The following TRPM3 variants were observed in gnomAD, a reference collection of about 807,000 sequenced individuals.
TRPM3 encodes long transient receptor potential channel 3.
A neutral mutation model predicts 181.2 loss-of-function variants in TRPM3; 77 were observed. The ratio of observed to expected loss-of-function variants is 0.42; its 90% CI spans 0.35 to 0.51. The LOEUF (loss-of-function observed/expected upper bound fraction) is 0.51. TRPM3 is among the 20% of genes least tolerant of loss of function. The pLI is 0.01. For synonymous variants in TRPM3, 745 were observed against 796.4 expected (o/e 0.94, Z 1.09); for missense variants, 1,759 against 2,196.7 (o/e 0.80, Z 3.98).
intron 1 of TRPM3, among the ~76,000 whole-genome samples, chr9:71,198,175 T>C (rs1298417476): frequency 1.3e-5 from 2 of 151,540 alleles, no homozygotes; most frequent in Non-Finnish European, 2.9e-5. Context: ...AAAGATCAGA[T>C]AGTTGTAGAT....
At chr9:71,393,400 A>C (rs1437650850) in intron 1 of TRPM3, among the ~76,000 whole-genome samples, 1 of 152,172 alleles carries the variant, frequency 6.6e-6, no homozygotes, top group East Asian at 1.9e-4. Flanking sequence ...TAAAATAGAC[A>C]AGACAGTGAT....
At chr9:71,282,062 A>AGAAAGAAAG (rs1231761861) in intron 1 of TRPM3, among the ~76,000 whole-genome samples, 2 of 104,604 alleles carry the variant, frequency 1.9e-5, no homozygotes, top group Non-Finnish European at 4.1e-5. Context: ...ACAGAAAGAG[A>AGAAAGAAAG]GAAAGAAAGG....
At chr9:70,888,362 G>GGTGTGT (rs71367235) in intron 1 of TRPM3, among the ~76,000 whole-genome samples, 10,608 of 143,608 alleles carry the variant, frequency 0.074, 696 homozygotes, top group African/African-American at 0.17. Flanking sequence ...TTTATTTTGG[G>GGTGTGT]GTGTGTGTGT....
intron 1 of TRPM3, among the ~76,000 whole-genome samples, chr9:71,189,943 T>A (rs2077909583): frequency 6.6e-6 from 1 of 151,926 alleles, no homozygotes. Flanking sequence ...GCTATTCATA[T>A]AAAAATTTAT....
At chr9:71,034,896 A>C (rs1361824983) in intron 1 of TRPM3, among the ~76,000 whole-genome samples, 1 of 152,074 alleles carries the variant, frequency 6.6e-6, no homozygotes, top group African/African-American at 2.4e-5. Flanking sequence ...TTTATTTCTG[A>C]AAAATTCAAA....
intron 20 of TRPM3, among the ~76,000 whole-genome samples, chr9:70,599,545 T>C (rs1049989870): frequency 7.9e-5 from 12 of 152,170 alleles, no homozygotes; most frequent in African/African-American, 2.9e-4. Flanking sequence ...TCCTTTATTC[T>C]CTACCCTGCA....
intron 1 of TRPM3, among the ~76,000 whole-genome samples, chr9:70,895,679 A>G (rs995623144): frequency 3.3e-5 from 5 of 152,272 alleles, no homozygotes; most frequent in South Asian, 2.1e-4. Flanking sequence ...AATGAATACC[A>G]TTTTCAGTGA....
chr9:70,564,592 C>G (rs1253592162), intron 22 of TRPM3, among the ~76,000 whole-genome samples: 1 of 152,166 alleles, frequency 6.6e-6, no homozygotes, highest in Non-Finnish European at 1.5e-5. Flanking sequence ...AGCCAGGGCC[C>G]TCTTCAAGAG....
At chr9:71,205,343 T>A (rs1165360957) in intron 1 of TRPM3, among the ~76,000 whole-genome samples, 1 of 152,138 alleles carries the variant, frequency 6.6e-6, no homozygotes, top group Non-Finnish European at 1.5e-5. Flanking sequence ...CTCTCAAAAC[T>A]TTACAAAAAA....
intron 1 of TRPM3, among the ~76,000 whole-genome samples, chr9:70,964,908 T>G (rs2097171297): frequency 6.6e-6 from 1 of 152,102 alleles, no homozygotes. Context: ...TTTAATTTTC[T>G]TTGTATAATA....
chr9:71,226,460 T>C (rs1322437005), intron 1 of TRPM3, among the ~76,000 whole-genome samples: 1 of 151,604 alleles, frequency 6.6e-6, no homozygotes, highest in Non-Finnish European at 1.5e-5. Flanking sequence ...TAAAGACACG[T>C]AGACTGAAAA....
chr9:71,310,245 G>GT (rs528235130), intron 1 of TRPM3, among the ~76,000 whole-genome samples: 1 of 151,680 alleles, frequency 6.6e-6, no homozygotes, highest in Non-Finnish European at 1.5e-5. Flanking sequence ...TTTTCAGATG[G>GT]TTTATTTTTT....
intron 1 of TRPM3, among the ~76,000 whole-genome samples, chr9:71,394,338 A>G (rs1029074351): frequency 6.6e-6 from 1 of 152,216 alleles, no homozygotes; most frequent in Non-Finnish European, 1.5e-5. Flanking sequence ...TCAACCACAG[A>G]AAACATAGTT....
At chr9:71,224,770 C>G (rs1352024283) in intron 1 of TRPM3, among the ~76,000 whole-genome samples, 1 of 151,564 alleles carries the variant, frequency 6.6e-6, no homozygotes, top group Non-Finnish European at 1.5e-5. Flanking sequence ...CAGAGCAAGA[C>G]CCTGTCTCTA....
chr9:71,355,286 A>T (rs571749721), intron 1 of TRPM3, among the ~76,000 whole-genome samples: 5 of 152,340 alleles, frequency 3.3e-5, no homozygotes, highest in Admixed American at 2.6e-4. Flanking sequence ...TAAAATGAGG[A>T]TTAGAGTGAG....
At chr9:71,247,906 A>C (rs552818798) in intron 1 of TRPM3, among the ~76,000 whole-genome samples, 1 of 152,320 alleles carries the variant, frequency 6.6e-6, no homozygotes, top group African/African-American at 2.4e-5. Context: ...TTACTAGCTA[A>C]AGTGAAGGCC....
chr9:70,787,763 C>CTTTTTTTTTTTTTTTTTTTTTTATT (rs2084089646), intron 6 of TRPM3, among the ~76,000 whole-genome samples: 1 of 68,558 alleles, frequency 1.5e-5, no homozygotes, highest in Non-Finnish European at 2.6e-5. Flanking sequence ...TTTTTGGATT[C>CTTTTTTTTTTTTTTTTTTTTTTATT]TTTTTTTTTT....
chr9:70,625,312 T>C lies in TRPM3; in HGVS notation c.1688A>G (p.Tyr563Cys). The change falls in exon 14 of 26, where the codon TAC becomes TGC. Residue 563 changes from tyrosine to cysteine, a missense_variant. Tyr to Cys is a radical substitution (Grantham distance 194). This residue lies in a region of TRPM3 where 737 missense variants were observed against 957.4 expected (regional missense o/e 0.77). Transcript: ENST00000677713. The surrounding 1 kb of genome is among the most constrained non-coding windows in gnomAD (Gnocchi z 4.8). ...GCCGATGTCAATCAGGCTGATTCTG[T>C]AGTCTGGGGGCAGGTTCCCCTATCA... ...IYFKGNLPPD[Y>C]RISLIDIGLV... The C allele has an allele frequency of 2.5e-6, 4 of 1,614,044 alleles. No individual in the cohort carries two copies. Among genetic ancestry groups the C allele is most frequent in the Middle Eastern group, 1.6e-4 (1 of 6,062 alleles).
chr9:71,047,553 G>A (rs567441998), intron 1 of TRPM3, among the ~76,000 whole-genome samples: 1 of 152,134 alleles, frequency 6.6e-6, no homozygotes, highest in East Asian at 1.9e-4. Flanking sequence ...TTTGAAATAT[G>A]GCTGAAGCAA....
Sources: allele counts gnomAD v4.1 joint callset (sites outside exome capture counted in the v4.1 genomes callset), GRCh38; gene constraint gnomAD v4.1.1; regional missense constraint gnomAD v4.1.1; non-coding constraint Gnocchi (gnomAD v3.1); transcripts MANE v1.5; gene names NCBI Gene and HGNC (gene_info 2026-07-23, HGNC 2026-07-21).